The following CHODL variants were observed in gnomAD, a reference collection of about 807,000 sequenced individuals.
CHODL encodes chondrolectin.
A neutral mutation model predicts 34.5 loss-of-function variants in CHODL; 29 were observed. The observed-to-expected ratio is 0.84, with a 90% CI of 0.63 to 1.15. CHODL has a LOEUF of 1.15. Ranked by LOEUF, CHODL falls within the 50% of genes most tolerant of loss-of-function variation. The pLI is 0.00. For missense variants in CHODL, 332 were observed against 332.5 expected, an observed-to-expected ratio of 1.00 and a Z score of 0.01; for synonymous variants, 125 against 116.1, an observed-to-expected ratio of 1.08 and a Z score of -0.49.
At chr21:18,076,012 C>T (rs1375648871) in intron 2 of CHODL, among the ~76,000 whole-genome samples, 2 of 152,184 alleles carry the variant, frequency 1.3e-5, no homozygotes, top group East Asian at 1.9e-4. Context: ...CGATCTTGGA[C>T]TTCTCAGCTT....
chr21:17,969,842 A>C, intron 1 of CHODL, among the ~76,000 whole-genome samples: 1 of 152,320 alleles, frequency 6.6e-6, no homozygotes, highest in Non-Finnish European at 1.5e-5. Context: ...TAATATTTTA[A>C]TACATGAATA....
intron 2 of CHODL, among the ~76,000 whole-genome samples, chr21:18,059,444 T>C (rs1409850556): frequency 6.6e-6 from 1 of 152,124 alleles, no homozygotes; most frequent in Non-Finnish European, 1.5e-5. Flanking sequence ...GCTTTTTCAT[T>C]TGTATCCTTA....
At chr21:18,252,769 G>T (rs1354832186) in intron 1 of CHODL, among the ~76,000 whole-genome samples, 3 of 152,088 alleles carry the variant, frequency 2.0e-5, no homozygotes, top group African/African-American at 7.2e-5. Context: ...CACAGCTGAT[G>T]ATCAAACTTT....
At chr21:18,127,672 G>GTTT (rs71318127) in intron 2 of CHODL, among the ~76,000 whole-genome samples, 5,257 of 69,956 alleles carry the variant, frequency 0.075, 887 homozygotes, top group Non-Finnish European at 0.086. Flanking sequence ...CGTTGCCATT[G>GTTT]TTTTTTTTTT....
intron 1 of CHODL, among the ~76,000 whole-genome samples, chr21:18,251,619 A>C (rs2074250467): frequency 9.0e-6 from 1 of 111,084 alleles, no homozygotes; most frequent in South Asian, 2.4e-4. Context: ...AATATATAAA[A>C]TATTTATTTT....
chr21:17,999,884 G>A (rs999167255), intron 1 of CHODL, among the ~76,000 whole-genome samples: 12 of 152,122 alleles, frequency 7.9e-5, no homozygotes, highest in African/African-American at 1.9e-4. Flanking sequence ...CAGCTTGGTC[G>A]TGTGTGAAGA....
At chr21:18,166,274 A>T (rs369596544) in intron 2 of CHODL, among the ~76,000 whole-genome samples, 5 of 152,208 alleles carry the variant, frequency 3.3e-5, no homozygotes, top group Non-Finnish European at 5.9e-5. Flanking sequence ...TACGCTTCAA[A>T]TGTATCTTCC....
intron 2 of CHODL, among the ~76,000 whole-genome samples, chr21:18,098,398 A>G (rs1461603092): frequency 1.3e-5 from 2 of 152,064 alleles, no homozygotes; most frequent in African/African-American, 4.8e-5. Context: ...AATGGGCAAA[A>G]GAGTTAAATA....
chr21:18,209,375 C>A (rs984623407), intron 2 of CHODL, among the ~76,000 whole-genome samples: 1 of 152,158 alleles, frequency 6.6e-6, no homozygotes, highest in Admixed American at 6.5e-5. Context: ...GCTCTTCAGC[C>A]AGCTTATGGT....
chr21:17,968,349 G>C (rs1056897251), intron 1 of CHODL, among the ~76,000 whole-genome samples: 1 of 152,108 alleles, frequency 6.6e-6, no homozygotes, highest in African/African-American at 2.4e-5. Context: ...TCTGTACCTT[G>C]AATGGCTTTG....
intron 2 of CHODL, among the ~76,000 whole-genome samples, chr21:18,097,596 A>G (rs149787290): frequency 6.6e-5 from 10 of 152,158 alleles, no homozygotes; most frequent in Non-Finnish European, 1.2e-4. Flanking sequence ...AAGACATTTC[A>G]TGTTCATGGA....
chr21:18,171,312 T>G (rs1443635604), intron 2 of CHODL, among the ~76,000 whole-genome samples: 4 of 144,498 alleles, frequency 2.8e-5, no homozygotes, highest in Non-Finnish European at 6.0e-5. Flanking sequence ...GTTCACGCCA[T>G]TCTCCTGCCT....
intron 2 of CHODL, among the ~76,000 whole-genome samples, chr21:18,217,766 A>C (rs1294582089): frequency 6.6e-6 from 1 of 152,156 alleles, no homozygotes; most frequent in East Asian, 1.9e-4. Context: ...CCTGCAAGTT[A>C]GTTACTTCCT....
chr21:17,946,091 A>G (rs1001476122), intron 1 of CHODL, among the ~76,000 whole-genome samples: 1 of 152,172 alleles, frequency 6.6e-6, no homozygotes, highest in Non-Finnish European at 1.5e-5. Context: ...ATTCCTATAC[A>G]TCAGTAATAA....
chr21:18,026,095 T>C (rs1344395505), intron 1 of CHODL, among the ~76,000 whole-genome samples: 10 of 152,220 alleles, frequency 6.6e-5, no homozygotes, highest in Admixed American at 2.0e-4. Context: ...TATTTTGATA[T>C]ACTAAGCACC....
chr21:18,230,952 T>A (rs1404188629), intron 2 of CHODL, among the ~76,000 whole-genome samples: 2 of 152,122 alleles, frequency 1.3e-5, no homozygotes, highest in African/African-American at 4.8e-5. Context: ...CATTCGTACT[T>A]AGATGATTTT....
intron 2 of CHODL, among the ~76,000 whole-genome samples, chr21:18,172,371 C>CT (rs2073242551): frequency 2.0e-5 from 3 of 152,264 alleles, no homozygotes; most frequent in Admixed American, 2.0e-4. Flanking sequence ...TGATATTTCT[C>CT]TGGGAATAAG....
At chr21:18,254,609 G>A (rs1028303630) in intron 1 of CHODL, among the ~76,000 whole-genome samples, 1 of 152,046 alleles carries the variant, frequency 6.6e-6, no homozygotes, top group Non-Finnish European at 1.5e-5. Context: ...GGTAAACAAG[G>A]GTGAGTGTAG....
intron 1 of CHODL, among the ~76,000 whole-genome samples, chr21:17,984,660 C>T (rs2063739756): frequency 6.6e-6 from 1 of 151,376 alleles, no homozygotes; most frequent in Non-Finnish European, 1.5e-5. Context: ...CAGTCTTTTT[C>T]TTTATGGATT....
Sources: allele counts gnomAD v4.1 joint callset (sites outside exome capture counted in the v4.1 genomes callset), GRCh38; gene constraint gnomAD v4.1.1; transcripts MANE v1.5; gene names NCBI Gene and HGNC (gene_info 2026-07-23, HGNC 2026-07-21).